KHDRBS2: variants seen among roughly 807,000 people sequenced by gnomAD.
KHDRBS2 encodes KH domain-containing, RNA-binding, signal transduction-associated protein 2.
A neutral mutation model predicts 44.3 loss-of-function variants in KHDRBS2; 26 were observed. That is an observed-to-expected ratio of 0.59 (90% CI 0.43 to 0.81). The LOEUF is 0.81. Among genes scored for constraint, KHDRBS2 ranks in the 40% least tolerant of loss-of-function variants. The pLI is 0.00. For synonymous variants in KHDRBS2, 194 were observed against 151.1 expected (o/e 1.28, Z -2.08); for missense variants, 476 against 433.1 (o/e 1.10, Z -0.88).
chr6:61,885,662 A>C (rs1800837775), intron 6 of KHDRBS2, among the ~76,000 whole-genome samples: 1 of 152,182 alleles, frequency 6.6e-6, no homozygotes, highest in East Asian at 1.9e-4. Context: ...TATTCTTCAC[A>C]GATAGTCATG....
At chr6:61,583,832 C>T in the KHDRBS2 span, among the ~76,000 whole-genome samples, 1 of 151,492 alleles carries the variant, frequency 6.6e-6, no homozygotes, top group Admixed American at 6.6e-5. Flanking sequence ...ATTGAGTCTT[C>T]CAACCCATAA....
intron 3 of KHDRBS2, among the ~76,000 whole-genome samples, chr6:62,045,983 A>C (rs1787602348): frequency 6.6e-6 from 1 of 150,938 alleles, no homozygotes; most frequent in Non-Finnish European, 1.5e-5. Flanking sequence ...AAAGAAAAAA[A>C]GGCCTTATCT....
chr6:61,827,855 A>T (rs1248665815), intron 6 of KHDRBS2, among the ~76,000 whole-genome samples: 1 of 152,084 alleles, frequency 6.6e-6, no homozygotes, highest in Non-Finnish European at 1.5e-5. Context: ...CCTCATTTAA[A>T]CCCAGTTATC....
At chr6:62,123,298 T>C (rs559378175) in intron 2 of KHDRBS2, among the ~76,000 whole-genome samples, 34 of 152,336 alleles carry the variant, frequency 2.2e-4, no homozygotes, top group African/African-American at 7.7e-4. Context: ...CAGTCTATCA[T>C]TGATGGACAT....
intron 2 of KHDRBS2, among the ~76,000 whole-genome samples, chr6:62,116,884 C>A (rs374150312): frequency 3.3e-5 from 5 of 152,100 alleles, no homozygotes; most frequent in Non-Finnish European, 7.4e-5. Context: ...CCATGCCTGG[C>A]TTTTTTCACT....
chr6:62,183,860 T>A (rs1585102289), intron 1 of KHDRBS2, among the ~76,000 whole-genome samples: 1 of 151,670 alleles, frequency 6.6e-6, no homozygotes, highest in African/African-American at 2.4e-5. Flanking sequence ...AACTTTTCTT[T>A]ACGAATATTT....
intron 2 of KHDRBS2, among the ~76,000 whole-genome samples, chr6:62,168,196 T>A (rs1819100238): frequency 6.6e-6 from 1 of 152,166 alleles, no homozygotes; most frequent in Non-Finnish European, 1.5e-5. Context: ...TGTGGCTGCA[T>A]TTGATCTTAA....
At chr6:61,886,234 C>T (rs1039515864) in intron 6 of KHDRBS2, among the ~76,000 whole-genome samples, 10 of 152,116 alleles carry the variant, frequency 6.6e-5, no homozygotes, top group African/African-American at 1.4e-4. Flanking sequence ...TGAGGGTATA[C>T]GTAACTCTTC....
the KHDRBS2 span, among the ~76,000 whole-genome samples, chr6:61,611,673 G>A: frequency 1.3e-5 from 2 of 151,912 alleles, no homozygotes; most frequent in Non-Finnish European, 2.9e-5. Flanking sequence ...TTTTATTTTA[G>A]ATACAGGGAG....
rs1816675108 is a variant in KHDRBS2, at chr6:62,157,320, C to CT, written c.219+19864dup. Among the ~76,000 whole-genome samples, 3 of 151,214 alleles carry CT rather than the reference C, an allele frequency of 2.0e-5. No individual in the cohort carries two copies. The South Asian group carries it at 6.3e-4, about 32-fold the overall frequency. ...GCAGCCTGAGGACAGAACGAGACTC[C>CT]TTTAAAAAAAAAAGAGGTAAGTTAA... On this transcript the variant is annotated intron_variant, in intron 2 of 8. Coordinates refer to ENST00000281156, the MANE Select transcript of KHDRBS2 (RefSeq NM_152688.4).
chr6:61,543,728 C>A, the KHDRBS2 span, among the ~76,000 whole-genome samples: 2 of 152,122 alleles, frequency 1.3e-5, no homozygotes, highest in African/African-American at 2.4e-5. Flanking sequence ...GAATGGATAG[C>A]AAACATGTGG....
intron 4 of KHDRBS2, among the ~76,000 whole-genome samples, chr6:61,965,123 G>C (rs1263298323): frequency 6.6e-6 from 1 of 152,044 alleles, no homozygotes; most frequent in Non-Finnish European, 1.5e-5. Flanking sequence ...AAAATTAAAA[G>C]GGAAATGCTA....
intron 4 of KHDRBS2, among the ~76,000 whole-genome samples, chr6:61,940,384 C>T (rs1490599006): frequency 1.3e-5 from 2 of 152,096 alleles, no homozygotes; most frequent in East Asian, 3.9e-4. Context: ...GCAATCCTAG[C>T]CATGGAAGAG....
At chr6:62,026,762 T>C (rs147154497) in intron 3 of KHDRBS2, among the ~76,000 whole-genome samples, 9 of 152,208 alleles carry the variant, frequency 5.9e-5, no homozygotes, top group Non-Finnish European at 1.2e-4. Context: ...AAGTTACTGG[T>C]TCACATTATC....
At chr6:61,942,492 A>C (rs1812328503) in intron 4 of KHDRBS2, among the ~76,000 whole-genome samples, 1 of 152,164 alleles carries the variant, frequency 6.6e-6, no homozygotes, top group African/African-American at 2.4e-5. Context: ...ATGAATGTTA[A>C]AACTTGAAGA....
chr6:62,124,585 C>CCACACACACACACACA (rs1808487557), intron 2 of KHDRBS2, among the ~76,000 whole-genome samples: 1 of 69,978 alleles, frequency 1.4e-5, no homozygotes, highest in Non-Finnish European at 3.1e-5. Context: ...CTGAACTATA[C>CCACACACACACACACA]TACACACACA....
downstream of KHDRBS2, among the ~76,000 whole-genome samples, chr6:61,676,862 C>T (rs764295056): frequency 4.0e-5 from 6 of 151,824 alleles, no homozygotes; most frequent in Middle Eastern, 3.2e-3. Flanking sequence ...GCCTCTTGAG[C>T]TCTCTTCTGA....
At chr6:61,719,163 TA>T (rs1771935256) in intron 7 of KHDRBS2, among the ~76,000 whole-genome samples, 1 of 152,172 alleles carries the variant, frequency 6.6e-6, no homozygotes, top group African/African-American at 2.4e-5. Flanking sequence ...TTTTGCCTAT[TA>T]TACCAATCTA....
At chr6:61,670,911 T>A in the KHDRBS2 span, among the ~76,000 whole-genome samples, 1 of 151,680 alleles carries the variant, frequency 6.6e-6, no homozygotes, top group Non-Finnish European at 1.5e-5. Context: ...TTTCTCATTG[T>A]AGGAGCTCTG....
Sources: gnomAD v4.1 joint callset for allele counts (sites outside exome capture counted in the v4.1 genomes callset) on GRCh38, gnomAD v4.1.1 for gene constraint, MANE v1.5 for transcripts, NCBI Gene and HGNC (gene_info 2026-07-23, HGNC 2026-07-21) for gene names.